The following IRAG2 variants were observed in gnomAD, a reference collection of about 807,000 sequenced individuals.
The protein encoded by IRAG2 is inositol 1,4,5-triphosphate receptor associated 2.
IRAG2 carries 45 observed loss-of-function variants against 69.9 expected under a neutral mutation model. That is an observed-to-expected ratio of 0.64 (90% CI 0.51 to 0.83). The LOEUF (loss-of-function observed/expected upper bound fraction) is 0.83. IRAG2 is among the 40% of genes least tolerant of loss of function. IRAG2 has a pLI of 0.00. For missense variants in IRAG2, 520 were observed against 587.0 expected (o/e 0.89, Z 1.18); for synonymous variants, 193 against 202.4 (o/e 0.95, Z 0.40).
chr12:25,076,734 G>T (rs1946711780), intron 6 of IRAG2: 2 of 377,166 alleles, frequency 5.3e-6, no homozygotes, highest in Non-Finnish European at 7.3e-6. Flanking sequence ...GTAACAATGT[G>T]TTTATATGTG....
intron 17 of IRAG2, 48 bp from the exon 18 acceptor site, chr12:25,103,789 A>T (rs1948882880): frequency 7.4e-7 from 1 of 1,342,936 alleles, no homozygotes; most frequent in Non-Finnish European, 1.1e-6. Context: ...GCATATAATG[A>T]TAAATTATTG....
At chr12:25,081,472 A>G (rs1336808377) in intron 9 of IRAG2, among the ~76,000 whole-genome samples, 1 of 152,200 alleles carries the variant, frequency 6.6e-6, no homozygotes, top group African/African-American at 2.4e-5. Flanking sequence ...TCAAATATAT[A>G]CAATTGTATG....
intron 16 of IRAG2, chr12:25,101,890 C>T (rs1452038827): frequency 3.5e-6 from 2 of 576,406 alleles, no homozygotes; most frequent in South Asian, 3.0e-5. Context: ...AGAACAGTAA[C>T]CATATTTGAT....
intron 11 of IRAG2, 44 bp from the exon 12 acceptor site, chr12:25,089,570 G>C (rs771882644): frequency 1.6e-6 from 2 of 1,232,918 alleles, no homozygotes; most frequent in Non-Finnish European, 2.3e-6. Context: ...GCTTTTACAG[G>C]TCAAGCCTTT....
intron 14 of IRAG2, among the ~76,000 whole-genome samples, chr12:25,090,581 G>T (rs187969428): frequency 4.9e-4 from 74 of 152,112 alleles, no homozygotes; most frequent in African/African-American, 1.7e-3. Flanking sequence ...AAAACATTTG[G>T]TCATATTTTC....
intron 5 of IRAG2, among the ~76,000 whole-genome samples, chr12:25,067,675 A>AT (rs1946072485): frequency 6.6e-6 from 1 of 151,844 alleles, no homozygotes; most frequent in African/African-American, 2.4e-5. Flanking sequence ...ATTTATTTAA[A>AT]TTTATTTTTT....
intron 9 of IRAG2, among the ~76,000 whole-genome samples, chr12:25,027,601 A>G (rs1944634085): frequency 6.6e-6 from 1 of 151,892 alleles, no homozygotes; most frequent in African/African-American, 2.4e-5. Flanking sequence ...TCACCATGTT[A>G]GCCAGGATGG....
At chr12:25,038,525 C>T (rs574048594) in intron 16 of IRAG2, among the ~76,000 whole-genome samples, 2 of 151,962 alleles carry the variant, frequency 1.3e-5, no homozygotes, top group Admixed American at 1.3e-4. Context: ...GCCTGTAATC[C>T]CAGCTACTTG....
chr12:25,036,836 A>C (rs535314221), intron 15 of IRAG2: 1 of 394,362 alleles, frequency 2.5e-6, no homozygotes, highest in South Asian at 1.4e-4. Context: ...CCAGGGGTGT[A>C]TATGAGTGTG....
At chr12:25,010,492 T>TTC (rs780698327) in intron 2 of IRAG2, among the ~76,000 whole-genome samples, 20 of 152,080 alleles carry the variant, frequency 1.3e-4, no homozygotes, top group South Asian at 8.3e-4. Flanking sequence ...AAAAAAACAG[T>TTC]TCTCTCTCTA....
chr12:25,046,321 C>T (rs1178681234), intron 16 of IRAG2, among the ~76,000 whole-genome samples: 1 of 151,926 alleles, frequency 6.6e-6, no homozygotes, highest in African/African-American at 2.4e-5. Flanking sequence ...TGCTCACTCT[C>T]ACCACTTCTG....
intron 6 of IRAG2, 119 bp downstream of exon 6, chr12:25,069,550 C>A: frequency 1.2e-6 from 1 of 868,814 alleles, no homozygotes; most frequent in Non-Finnish European, 1.8e-6. Context: ...ATTCTTGTAG[C>A]AAGTCTGAGT....
chr12:25,015,319 T>C lies in IRAG2; in HGVS notation c.977-31T>C, dbSNP rs115232506. On this transcript the variant is annotated intron_variant, in intron 4 of 38. Transcript: ENST00000636465. ...TTCTTACGGTTTGTAGAAAATGATT[T>C]TTTTTCATAAAACTCTTGTATGTGT... The C allele has an allele frequency of 1.6e-4, 196 of 1,231,566 alleles. 1 individual carries two copies. In the African/African-American group the frequency reaches 2.9e-3, roughly 18 times the overall value. 76.3% of individuals were successfully genotyped at this position (1,231,566 alleles called of 1,614,324 possible).
chr12:25,107,267 A>G (rs1044539988), intron 21 of IRAG2, among the ~76,000 whole-genome samples: 2 of 152,140 alleles, frequency 1.3e-5, no homozygotes, highest in Non-Finnish European at 2.9e-5. Flanking sequence ...AATATATGTT[A>G]TATTCTATTT....
At chr12:25,105,859 A>AATGT (rs1187092030) in intron 20 of IRAG2, among the ~76,000 whole-genome samples, 1 of 152,198 alleles carries the variant, frequency 6.6e-6, no homozygotes, top group Non-Finnish European at 1.5e-5. Context: ...ATGAAAAAAA[A>AATGT]GTCTTTGAGA....
chr12:25,063,210 A>C (rs1413446752), intron 3 of IRAG2, among the ~76,000 whole-genome samples: 1 of 152,070 alleles, frequency 6.6e-6, no homozygotes, highest in Non-Finnish European at 1.5e-5. Context: ...TTACAGTCAT[A>C]CACCACCACG....
At chr12:25,094,731 C>CTTCT (rs71063400) in intron 14 of IRAG2, among the ~76,000 whole-genome samples, 121,224 of 151,628 alleles carry the variant, frequency 0.8, 48,970 homozygotes, top group Middle Eastern at 0.9. Context: ...TTATTTGTGT[C>CTTCT]TTGTCTTCTT....
chr12:25,087,834 G>A (rs533674100), intron 10 of IRAG2, among the ~76,000 whole-genome samples: 17 of 152,192 alleles, frequency 1.1e-4, no homozygotes, highest in African/African-American at 3.1e-4. Context: ...CTGTGCAAGC[G>A]AGCCATCTAG....
Position 25,097,933 on chromosome 12 carries a change from T to C in IRAG2, c.741+889T>C, listed in dbSNP as rs115381588. 2.0e-3 allele frequency among the ~76,000 whole-genome samples: 312 copies of C among 152,364 alleles called. 3 individuals are homozygous for C. Among genetic ancestry groups the C allele is most frequent in the African/African-American group, 7.1e-3 (294 of 41,590 alleles). ...CATGCTGCCATTTAGTGATTTATTTTCAGTTTTAGGTATTATCTGTTGCTC... is the reference window on the plus strand; with the variant it reads ...CATGCTGCCATTTAGTGATTTATTTCCAGTTTTAGGTATTATCTGTTGCTC... On this transcript the variant is annotated intron_variant, in intron 15 of 21. Transcript: ENST00000556887.
Sources: allele counts gnomAD v4.1 joint callset (sites outside exome capture counted in the v4.1 genomes callset), GRCh38; gene constraint gnomAD v4.1.1; transcripts MANE v1.5; gene names NCBI Gene and HGNC (gene_info 2026-07-23, HGNC 2026-07-21).